The following DACH1 variants were observed in gnomAD, a reference collection of about 807,000 sequenced individuals.
DACH1 encodes dachshund family transcription factor 1, also known as dachshund homolog 1.
DACH1 carries 12 observed loss-of-function variants against 54.2 expected under a neutral mutation model. The observed-to-expected ratio is 0.22, with a 90% CI of 0.14 to 0.36. The LOEUF (loss-of-function observed/expected upper bound fraction) is 0.36. DACH1 is among the 10% of genes least tolerant of loss of function. The pLI, the probability that DACH1 is intolerant of heterozygous loss-of-function variation, is 1.00. For synonymous variants in DACH1, 386 were observed against 366.2 expected (o/e 1.05, Z -0.62); for missense variants, 805 against 929.8 (o/e 0.87, Z 1.75).
intron 4 of DACH1, among the ~76,000 whole-genome samples, chr13:71,562,736 T>G (rs769063910): frequency 6.6e-6 from 1 of 152,134 alleles, no homozygotes; most frequent in Non-Finnish European, 1.5e-5. Flanking sequence ...ACTTCACATC[T>G]GGATGCCAAA....
chr13:71,723,278 G>A (rs1883313016), intron 1 of DACH1, among the ~76,000 whole-genome samples: 1 of 151,748 alleles, frequency 6.6e-6, no homozygotes, highest in African/African-American at 2.4e-5. Context: ...GTCCAGCGTG[G>A]TGGCACATGC....
At chr13:71,479,045 C>A in intron 8 of DACH1, 124 bp downstream of exon 8, 1 of 858,036 alleles carries the variant, frequency 1.2e-6, no homozygotes, top group Non-Finnish European at 1.7e-6. Flanking sequence ...TCAAATTCTG[C>A]TCTGAACTTT....
At chr13:71,442,227 C>CTCTA (rs569248899) in intron 10 of DACH1, among the ~76,000 whole-genome samples, 5 of 152,150 alleles carry the variant, frequency 3.3e-5, no homozygotes, top group African/African-American at 1.2e-4. Context: ...TCATTCTACA[C>CTCTA]TCTATCTCCA....
intron 1 of DACH1, among the ~76,000 whole-genome samples, chr13:71,728,817 A>G (rs1331215478): frequency 6.6e-6 from 1 of 151,972 alleles, no homozygotes; most frequent in Non-Finnish European, 1.5e-5. Context: ...ATTCTATCCA[A>G]GTAATGTGTA....
chr13:71,764,644 A>G (rs1885542103), intron 1 of DACH1, among the ~76,000 whole-genome samples: 1 of 152,168 alleles, frequency 6.6e-6, no homozygotes, highest in African/African-American at 2.4e-5. Flanking sequence ...TTCACTCCCC[A>G]TATCTAATAA....
intron 6 of DACH1, among the ~76,000 whole-genome samples, chr13:71,536,800 T>C (rs1479514091): frequency 6.6e-6 from 1 of 152,034 alleles, no homozygotes; most frequent in Admixed American, 6.6e-5. Context: ...CCTTTCCCCA[T>C]TATCAAATTC....
chr13:71,584,788 T>C (rs1042685492), intron 3 of DACH1, among the ~76,000 whole-genome samples: 23 of 152,128 alleles, frequency 1.5e-4, no homozygotes, highest in Admixed American at 1.3e-4. Context: ...TTCTTATTTA[T>C]GCCAAAATTA....
At chr13:71,833,973 A>G (rs1055643989) in intron 1 of DACH1, among the ~76,000 whole-genome samples, 6 of 152,072 alleles carry the variant, frequency 3.9e-5, no homozygotes, top group Admixed American at 2.0e-4. Context: ...ATTCATCAGT[A>G]TAAGTAATTT....
intron 3 of DACH1, among the ~76,000 whole-genome samples, chr13:71,620,141 C>T (rs1220536896): frequency 5.3e-5 from 8 of 151,586 alleles, no homozygotes; most frequent in Non-Finnish European, 7.4e-5. Context: ...TCTGATAGAC[C>T]CATTGTTTTA....
chr13:71,790,508 T>G (rs1886790558), intron 1 of DACH1, among the ~76,000 whole-genome samples: 1 of 152,164 alleles, frequency 6.6e-6, no homozygotes. Context: ...TTAATAAATA[T>G]TTGGTGGTTA....
chr13:71,820,936 CA>C (rs1888160546), intron 1 of DACH1, among the ~76,000 whole-genome samples: 1 of 152,094 alleles, frequency 6.6e-6, no homozygotes, highest in Non-Finnish European at 1.5e-5. Flanking sequence ...CAAACAAAAA[CA>C]AAAAACCCAA....
chr13:71,521,562 G>GTTTC (rs1253384432), intron 6 of DACH1, among the ~76,000 whole-genome samples: 11 of 151,948 alleles, frequency 7.2e-5, no homozygotes, highest in Non-Finnish European at 1.0e-4. Context: ...TCTTTCAAAG[G>GTTTC]CAAGGTAACT....
At chr13:71,630,909 C>T (rs1877054056) in intron 2 of DACH1, among the ~76,000 whole-genome samples, 192 bp from the exon 3 acceptor site, 1 of 152,114 alleles carries the variant, frequency 6.6e-6, no homozygotes, top group Non-Finnish European at 1.5e-5. Context: ...TTGATTGCTA[C>T]AGTCCAAAAT....
intron 6 of DACH1, 108 bp downstream of exon 6, chr13:71,556,916 T>C (rs375946208): frequency 8.3e-7 from 1 of 1,201,814 alleles, no homozygotes; most frequent in East Asian, 2.7e-5. Context: ...AAAACATTTA[T>C]ATGCTTTTTT....
At chr13:71,490,696 G>A (rs760936329) in intron 6 of DACH1, among the ~76,000 whole-genome samples, 56 of 152,180 alleles carry the variant, frequency 3.7e-4, no homozygotes, top group Non-Finnish European at 1.8e-4. Flanking sequence ...GGTGATCTTG[G>A]ACACCATTTA....
chr13:71,643,905 A>G (rs1878088333), intron 2 of DACH1, among the ~76,000 whole-genome samples: 2 of 152,158 alleles, frequency 1.3e-5, no homozygotes, highest in South Asian at 2.1e-4. Flanking sequence ...CCAAAAATAT[A>G]TGTTTCTAAA....
At chr13:71,851,426 C>T (rs1873658238) in intron 1 of DACH1, among the ~76,000 whole-genome samples, 1 of 151,596 alleles carries the variant, frequency 6.6e-6, no homozygotes, top group Non-Finnish European at 1.5e-5. Context: ...TTTATTATGC[C>T]CCCTTCTTGA....
At chr13:71,775,717 C>T (rs1342912495) in intron 1 of DACH1, among the ~76,000 whole-genome samples, 3 of 152,028 alleles carry the variant, frequency 2.0e-5, no homozygotes, top group African/African-American at 7.2e-5. Flanking sequence ...AAAAATAACA[C>T]AATGATAGGC....
intron 9 of DACH1, among the ~76,000 whole-genome samples, 158 bp from the exon 10 acceptor site, chr13:71,475,367 C>T (rs923865246): frequency 9.2e-5 from 14 of 152,192 alleles, no homozygotes; most frequent in African/African-American, 2.4e-4. Flanking sequence ...TAAGAATTTT[C>T]GGAAGATTTG....
Sources: allele counts gnomAD v4.1 joint callset (sites outside exome capture counted in the v4.1 genomes callset), GRCh38; gene constraint gnomAD v4.1.1; transcripts MANE v1.5; gene names NCBI Gene and HGNC (gene_info 2026-07-23, HGNC 2026-07-21).